Variants in CTTNBP2NL observed in about 807,000 individuals in gnomAD.
The protein encoded by CTTNBP2NL is CTTNBP2 N-terminal like.
In CTTNBP2NL, 16 loss-of-function variants were observed where a neutral mutation model predicts 32.5. That is an observed-to-expected ratio of 0.49 (90% confidence interval 0.33 to 0.75). The LOEUF (loss-of-function observed/expected upper bound fraction) is 0.75, where lower values mean the gene tolerates loss of function less well. Ranked by LOEUF, CTTNBP2NL falls within the 30% of genes least tolerant of loss-of-function variation. CTTNBP2NL has a pLI of 0.02. For synonymous variants in CTTNBP2NL, 298 were observed against 289.4 expected, an observed-to-expected ratio of 1.03 and a Z score of -0.30; for missense variants, 645 against 756.0, an observed-to-expected ratio of 0.85 and a Z score of 1.72.
chr1:112,430,811 T>G (rs902206831), intron 3 of CTTNBP2NL, among the ~76,000 whole-genome samples: 1 of 151,594 alleles, frequency 6.6e-6, no homozygotes, highest in African/African-American at 2.4e-5. Context: ...TCTCCATCTC[T>G]TGACCTCGTG....
In CTTNBP2NL at chr1:112,449,045, A is replaced by G. The variant is rs376936317; in HGVS notation, c.203A>G (p.Asn68Ser). The G allele has an allele frequency of 7.4e-6, 12 of 1,612,524 alleles. No individual in the cohort carries two copies. The highest frequency in any genetic ancestry group is 1.7e-5 in the Admixed American group (1 of 60,032). The change falls in exon 4 of 6, where the codon AAT becomes AGT. Residue 68 changes from asparagine to serine, a missense_variant. Transcript: ENST00000271277. Reference sequence around the variant, plus strand: ...GATTTTGAAACACTGAAGGAGAAAAATGATGGCGAAAAGCAGCCAGTCTGC... The same window carrying G: ...GATTTTGAAACACTGAAGGAGAAAAGTGATGGCGAAAAGCAGCCAGTCTGC... ...QRDFETLKEK[N>S]DGEKQPVCTN...
intron 3 of CTTNBP2NL, among the ~76,000 whole-genome samples, chr1:112,418,801 TA>T (rs1649141361): frequency 6.6e-6 from 1 of 152,020 alleles, no homozygotes; most frequent in Admixed American, 6.6e-5. Context: ...CAGAGGAGAA[TA>T]AAGGAAGGTT....
At chr1:112,397,066 G>T (rs903875557) in intron 1 of CTTNBP2NL, among the ~76,000 whole-genome samples, 1 of 152,172 alleles carries the variant, frequency 6.6e-6, no homozygotes, top group Non-Finnish European at 1.5e-5. Flanking sequence ...TCCTCCCTGA[G>T]AACTTGATGA....
upstream of CTTNBP2NL, among the ~76,000 whole-genome samples, chr1:112,392,195 A>G (rs1648205972): frequency 6.6e-6 from 1 of 152,124 alleles, no homozygotes; most frequent in Non-Finnish European, 1.5e-5. Flanking sequence ...GATCTAAGTA[A>G]ATATTCTGTG....
intron 3 of CTTNBP2NL, among the ~76,000 whole-genome samples, chr1:112,429,428 C>T (rs1190466829): frequency 6.6e-6 from 1 of 152,178 alleles, no homozygotes; most frequent in African/African-American, 2.4e-5. Flanking sequence ...AGGAGGATCA[C>T]TTGAGGTCAG....
chr1:112,397,905 CT>C (rs1487063496), intron 1 of CTTNBP2NL, among the ~76,000 whole-genome samples: 4 of 152,158 alleles, frequency 2.6e-5, no homozygotes, highest in African/African-American at 9.7e-5. Context: ...AAGATAATTA[CT>C]TTTGAATAGT....
intron 3 of CTTNBP2NL, among the ~76,000 whole-genome samples, chr1:112,443,503 C>G (rs1372249615): frequency 6.6e-6 from 1 of 151,662 alleles, no homozygotes; most frequent in Non-Finnish European, 1.5e-5. Flanking sequence ...TGTGAGTCAC[C>G]ACACCTGGCT....
chr1:112,415,917 TATG>T (rs1362791592), intron 2 of CTTNBP2NL: 2 of 397,652 alleles, frequency 5.0e-6, no homozygotes, highest in African/African-American at 2.1e-5. Flanking sequence ...CTGGAGGAAA[TATG>T]ATGAAAAATT....
At position 112,436,419 on chromosome 1, in the gene CTTNBP2NL, A is replaced by G. The variant is rs535571200; in HGVS notation, c.100-12523A>G. Among the ~76,000 whole-genome samples the G allele has an allele frequency of 5.3e-5, 8 of 152,270 alleles. No homozygotes were observed. In the South Asian group the frequency reaches 1.0e-3, roughly 20 times the overall value. On this transcript the variant is annotated intron_variant, in intron 3 of 5. Coordinates refer to ENST00000271277, the MANE Select transcript of CTTNBP2NL (RefSeq NM_018704.3). Reference sequence around the variant, plus strand: ...ATCTGGTGACATTTAAAGTTTCCATATGGTGTTGCCATCCTTCAGAATGAA... The same window carrying G: ...ATCTGGTGACATTTAAAGTTTCCATGTGGTGTTGCCATCCTTCAGAATGAA...
intron 1 of CTTNBP2NL, among the ~76,000 whole-genome samples, chr1:112,400,026 G>A (rs138856888): frequency 0.039 from 5,873 of 152,206 alleles, 157 homozygotes; most frequent in East Asian, 0.1. Flanking sequence ...CCGAGATCAC[G>A]CCATTGCACT....
At chr1:112,452,246 C>T (rs1426776268) in intron 4 of CTTNBP2NL, among the ~76,000 whole-genome samples, 4 of 151,632 alleles carry the variant, frequency 2.6e-5, no homozygotes, top group Admixed American at 2.0e-4. Context: ...TCATAGCACC[C>T]TATAGCCTGG....
At chr1:112,416,304 G>A in intron 3 of CTTNBP2NL, 40 bp downstream of exon 3, 1 of 993,586 alleles carries the variant, frequency 1.0e-6, no homozygotes, top group Non-Finnish European at 1.5e-6. Flanking sequence ...ATCATACATT[G>A]TGAAAGTCAT....
intron 1 of CTTNBP2NL, among the ~76,000 whole-genome samples, chr1:112,404,754 T>TA (rs1648608445): frequency 6.6e-6 from 1 of 152,202 alleles, no homozygotes; most frequent in African/African-American, 2.4e-5. Context: ...TCTAACAAAT[T>TA]ATATAGAAAT....
At chr1:112,426,963 C>T (rs149822674) in intron 3 of CTTNBP2NL, among the ~76,000 whole-genome samples, 158 of 152,186 alleles carry the variant, frequency 1.0e-3, no homozygotes, top group Middle Eastern at 3.4e-3. Flanking sequence ...ACAGAATAAA[C>T]AATACCTCTA....
rs1346357342 is a variant in CTTNBP2NL at position 112,454,479 on chromosome 1, C to T, written c.361C>T (p.Arg121Trp). The T allele has an allele frequency of 1.7e-5, 27 of 1,613,496 alleles. No homozygotes were observed. The highest frequency in any genetic ancestry group is 2.7e-5 in the African/African-American group (2 of 74,872). The change falls in exon 5 of 6, where the codon CGG (arginine) becomes TGG (tryptophan). Residue 121 changes from arginine to tryptophan, a missense_variant. Transcript: ENST00000271277. ...VILDLEEERQ[R>W]HAQDTAEGDD... ...CCTAGACCTTGAGGAAGAAAGGCAG[C>T]GGCATGCACAGGATACGGCTGAAGG...
intron 3 of CTTNBP2NL, among the ~76,000 whole-genome samples, chr1:112,418,929 T>A (rs1649143962): frequency 6.6e-6 from 1 of 152,218 alleles, no homozygotes; most frequent in Admixed American, 6.5e-5. Flanking sequence ...ACATCTTAGA[T>A]CTGATGCAAA....
rs143581533 is a variant in CTTNBP2NL at position 112,398,903 on chromosome 1, A to G, written c.-134+2631A>G. 2.4e-4 allele frequency among the ~76,000 whole-genome samples: 36 copies of G among 152,240 alleles called. 1 individual carries two copies. The East Asian group carries it at 6.9e-3, about 29-fold the overall frequency. ...ATTTTACTGTCATGAAATTTGAACC[A>G]GACTTAAGAACGTAATGAGTGCTAA... is the stretch of plus-strand genomic sequence containing the variant. On this transcript the variant is annotated intron_variant, in intron 1 of 5. Transcript: ENST00000271277.
In CTTNBP2NL at chr1:112,457,456, G is replaced by T. The variant is rs200227935; in HGVS notation, c.*44G>T. On this transcript the variant is annotated 3_prime_UTR_variant, in exon 6 of 6. Coordinates refer to ENST00000271277, the MANE Select transcript of CTTNBP2NL (RefSeq NM_018704.3). ...CACGTTTGACATTCCATCAGATTTC[G>T]TCCAAAAGCTCAGTCAGACTTCTGA... The T allele has an allele frequency of 2.7e-5, 42 of 1,528,308 alleles. No homozygotes were observed. In the African/African-American group the frequency reaches 5.0e-4, roughly 18 times the overall value. The allele number at this position is 1,528,308 out of a possible 1,614,324, so 94.7% of individuals were successfully genotyped here.
chr1:112,454,949 C>T lies in CTTNBP2NL; in HGVS notation c.438+393C>T, dbSNP rs114251816. ...AGAAGTGACATTTTATGTCACAACC[C>T]AGTATATGTAGACATACACAGTTAC... On this transcript the variant is annotated intron_variant, in intron 5 of 5. Coordinates refer to ENST00000271277, the MANE Select transcript of CTTNBP2NL (RefSeq NM_018704.3). Among the ~76,000 whole-genome samples the T allele has an allele frequency of 2.3e-3, 356 of 152,300 alleles. 1 individual carries two copies. The highest frequency in any genetic ancestry group is 5.0e-3 in the South Asian group (24 of 4,826).
Sources: allele counts gnomAD v4.1 joint callset (sites outside exome capture counted in the v4.1 genomes callset), GRCh38; gene constraint gnomAD v4.1.1; transcripts MANE v1.5; gene names NCBI Gene and HGNC (gene_info 2026-07-23, HGNC 2026-07-21).